Variants in PDE4B observed in about 807,000 individuals in gnomAD.
PDE4B encodes phosphodiesterase 4B.
Under a neutral mutation model 82.2 loss-of-function variants are expected in PDE4B, and 20 were observed. The ratio of observed to expected loss-of-function variants is 0.24; its 90% CI spans 0.17 to 0.35. The LOEUF (loss-of-function observed/expected upper bound fraction) is 0.35. PDE4B is among the 10% of genes least tolerant of loss of function. PDE4B has a pLI of 1.00. For synonymous variants in PDE4B, 320 were observed against 318.9 expected, an observed-to-expected ratio of 1.00 and a Z score of -0.04; for missense variants, 655 against 907.2, an observed-to-expected ratio of 0.72 and a Z score of 3.57.
chr1:66,112,007 T>C (rs1645497468), intron 3 of PDE4B, among the ~76,000 whole-genome samples: 1 of 152,154 alleles, frequency 6.6e-6, no homozygotes, highest in Admixed American at 6.6e-5. Flanking sequence ...TTAGAACCTT[T>C]GCATTTTGTT....
At chr1:66,307,000 G>T (rs1036686686) in intron 7 of PDE4B, among the ~76,000 whole-genome samples, 1 of 152,076 alleles carries the variant, frequency 6.6e-6, no homozygotes, top group South Asian at 2.1e-4. Context: ...TGTGGTAGCC[G>T]AAATAGACGT....
At chr1:66,047,693 G>A (rs539382958) in intron 3 of PDE4B, among the ~76,000 whole-genome samples, 15 of 152,048 alleles carry the variant, frequency 9.9e-5, no homozygotes, top group African/African-American at 3.4e-4. Context: ...AGATGATGGG[G>A]CAATATCCTT....
chr1:66,249,651 A>G (rs563216550), intron 4 of PDE4B, among the ~76,000 whole-genome samples: 138 of 152,226 alleles, frequency 9.1e-4, no homozygotes, highest in African/African-American at 3.2e-3. Context: ...TTTACTGGCC[A>G]GTAAAATTCC....
At chr1:65,891,254 C>G (rs1405783881) in intron 1 of PDE4B, among the ~76,000 whole-genome samples, 1 of 152,008 alleles carries the variant, frequency 6.6e-6, no homozygotes, top group Non-Finnish European at 1.5e-5. Context: ...TTTGAACATT[C>G]ATTTATAACA....
chr1:65,922,671 G>T (rs1647290480), intron 3 of PDE4B, among the ~76,000 whole-genome samples: 1 of 152,132 alleles, frequency 6.6e-6, no homozygotes, highest in Non-Finnish European at 1.5e-5. Context: ...CTACTCACGT[G>T]AGAAAGTAGA....
At chr1:65,826,040 T>G (rs1028536349) in intron 1 of PDE4B, among the ~76,000 whole-genome samples, 12 of 152,206 alleles carry the variant, frequency 7.9e-5, no homozygotes, top group Non-Finnish European at 1.6e-4. Flanking sequence ...CCTGATTTAC[T>G]GAGAAATTGC....
intron 1 of PDE4B, among the ~76,000 whole-genome samples, chr1:65,803,687 C>A (rs1414065052): frequency 6.6e-6 from 1 of 152,060 alleles, no homozygotes. Flanking sequence ...ATGTACGATT[C>A]CAGTGCTGGA....
chr1:65,954,628 A>G (rs1649165544), intron 3 of PDE4B, among the ~76,000 whole-genome samples: 1 of 152,108 alleles, frequency 6.6e-6, no homozygotes, highest in South Asian at 2.1e-4. Context: ...CTAGAGTTTT[A>G]CTTAAGTTTC....
At chr1:65,887,247 T>TTTCTTCCTTTCTTTTC (rs1297971405) in intron 1 of PDE4B, among the ~76,000 whole-genome samples, 1 of 37,700 alleles carries the variant, frequency 2.7e-5, no homozygotes, top group Non-Finnish European at 4.9e-5. Context: ...TCTTTCTTTC[T>TTTCTTCCTTTCTTTTC]TTTCTTTCTT....
intron 3 of PDE4B, among the ~76,000 whole-genome samples, chr1:66,028,496 T>C (rs1653579044): frequency 6.6e-6 from 1 of 152,220 alleles, no homozygotes; most frequent in South Asian, 2.1e-4. Context: ...TCCTTGCTAC[T>C]TATGCAAATT....
chr1:65,879,164 G>T (rs1571058529), intron 1 of PDE4B, among the ~76,000 whole-genome samples: 1 of 152,092 alleles, frequency 6.6e-6, no homozygotes, highest in Non-Finnish European at 1.5e-5. Context: ...TGTCAGGGGT[G>T]CCTGAGATAT....
intron 16 of PDE4B, 96 bp downstream of exon 16, chr1:66,369,065 A>G: frequency 1.1e-6 from 1 of 885,012 alleles, no homozygotes. Flanking sequence ...GAATATGTAT[A>G]TATGAAACAA....
At chr1:66,161,484 G>A (rs556492571) in intron 3 of PDE4B, among the ~76,000 whole-genome samples, 5 of 152,072 alleles carry the variant, frequency 3.3e-5, no homozygotes, top group South Asian at 2.1e-4. Flanking sequence ...TTTTAAGAGC[G>A]TCTTTTTCCA....
chr1:65,950,202 T>C (rs549914347), intron 3 of PDE4B, among the ~76,000 whole-genome samples: 1 of 152,160 alleles, frequency 6.6e-6, no homozygotes, highest in African/African-American at 2.4e-5. Flanking sequence ...TTGTTATTTC[T>C]TCATATCTCT....
chr1:66,255,334 T>A (rs1164046048), intron 4 of PDE4B, among the ~76,000 whole-genome samples: 1 of 152,252 alleles, frequency 6.6e-6, no homozygotes, highest in South Asian at 2.1e-4. Flanking sequence ...GTGATCCGCC[T>A]GCCTCGGCCT....
chr1:65,941,504 T>G (rs1648446524), intron 3 of PDE4B, among the ~76,000 whole-genome samples: 2 of 151,938 alleles, frequency 1.3e-5, no homozygotes, highest in Non-Finnish European at 2.9e-5. Flanking sequence ...ACCAGCAAGG[T>G]GTCCTTTACC....
intron 16 of PDE4B, among the ~76,000 whole-genome samples, chr1:66,371,129 T>TATATATAC (rs2050759709): frequency 7.6e-6 from 1 of 131,308 alleles, no homozygotes; most frequent in Non-Finnish European, 1.6e-5. Context: ...TATATATATA[T>TATATATAC]ATATAATTTT....
At chr1:66,106,526 C>T (rs1320952399) in intron 3 of PDE4B, among the ~76,000 whole-genome samples, 2 of 150,322 alleles carry the variant, frequency 1.3e-5, no homozygotes, top group African/African-American at 4.9e-5. Context: ...CCAGTTCCAC[C>T]TTGTACCTCT....
intron 1 of PDE4B, among the ~76,000 whole-genome samples, chr1:65,908,008 C>A (rs1427857371): frequency 6.6e-6 from 1 of 152,100 alleles, no homozygotes; most frequent in Non-Finnish European, 1.5e-5. Context: ...CTCATCCTGG[C>A]AACCTCTGAA....
Sources: allele counts gnomAD v4.1 joint callset (sites outside exome capture counted in the v4.1 genomes callset), GRCh38; gene constraint gnomAD v4.1.1; transcripts MANE v1.5; gene names NCBI Gene and HGNC (gene_info 2026-07-23, HGNC 2026-07-21).